NRXN3: variants seen among roughly 807,000 people sequenced by gnomAD.
The protein encoded by NRXN3 is neurexin III.
A neutral mutation model predicts 137.6 loss-of-function variants in NRXN3; 32 were observed. The observed-to-expected ratio is 0.23, with a 90% CI of 0.18 to 0.31. NRXN3 has a LOEUF of 0.31. Among genes scored for constraint, NRXN3 ranks in the 10% least tolerant of loss-of-function variants. The pLI is 1.00. For synonymous variants in NRXN3, 798 were observed against 784.5 expected (o/e 1.02, Z -0.29); for missense variants, 1,574 against 2,062.5 (o/e 0.76, Z 4.59).
At chr14:79,522,345 G>T (rs901919290) in intron 16 of NRXN3, among the ~76,000 whole-genome samples, 9 of 152,036 alleles carry the variant, frequency 5.9e-5, no homozygotes, top group African/African-American at 1.9e-4. Flanking sequence ...TATTAAGAGG[G>T]GTGCACAGGG....
At position 79,338,218 on chromosome 14, in the gene NRXN3, AGTGTGT is replaced by A. The variant is rs56816357; in HGVS notation, c.3263-128975_3263-128970del. On this transcript the variant is annotated intron_variant, in intron 15 of 20. Transcript: ENST00000335750. ...CGGGGTGTGTGTGTGTGTGTATGTGAGTGTGTGTGTGTGTGTGTGTGTGTGTGTGTG... is the reference window on the plus strand; with the variant it reads ...CGGGGTGTGTGTGTGTGTGTATGTGAGTGTGTGTGTGTGTGTGTGTGTGTG... Among the ~76,000 whole-genome samples, 505 of 141,210 alleles carry A rather than the reference AGTGTGT, an allele frequency of 3.6e-3. 4 individuals are homozygous for A. The highest frequency in any genetic ancestry group is 7.7e-3 in the African/African-American group (291 of 37,894). 92.6% of individuals were successfully genotyped at this position (141,210 alleles called of 152,430 possible). A position where few individuals can be genotyped will look rare whatever the true frequency, so the allele number is the denominator to read the frequency against.
intron 10 of NRXN3, among the ~76,000 whole-genome samples, chr14:78,869,928 T>C (rs1449126316): frequency 6.6e-6 from 1 of 152,200 alleles, no homozygotes; most frequent in Non-Finnish European, 1.5e-5. Context: ...TGAGAATTTT[T>C]AACCAAGGAA....
At chr14:78,631,037 G>A (rs1008078974) in intron 4 of NRXN3, among the ~76,000 whole-genome samples, 4 of 152,088 alleles carry the variant, frequency 2.6e-5, no homozygotes, top group African/African-American at 7.2e-5. Context: ...TATTTTAATG[G>A]CATTCTGTTG....
chr14:79,696,037 GT>G (rs1167509652), intron 18 of NRXN3, among the ~76,000 whole-genome samples: 20 of 152,084 alleles, frequency 1.3e-4, no homozygotes, highest in Admixed American at 5.9e-4. Flanking sequence ...GGCACTATGA[GT>G]TGCCTAGTGT....
chr14:79,509,290 T>G (rs924662985), intron 16 of NRXN3, among the ~76,000 whole-genome samples: 1 of 152,086 alleles, frequency 6.6e-6, no homozygotes, highest in African/African-American at 2.4e-5. Flanking sequence ...GCAGATCACT[T>G]GAGATCAGGA....
intron 15 of NRXN3, among the ~76,000 whole-genome samples, chr14:79,363,826 T>A (rs559335918): frequency 6.6e-6 from 1 of 152,226 alleles, no homozygotes; most frequent in Non-Finnish European, 1.5e-5. Context: ...AACACCATTT[T>A]GAACTCTTCC....
chr14:79,262,231 C>A (rs1286686253), intron 15 of NRXN3, among the ~76,000 whole-genome samples: 1 of 152,122 alleles, frequency 6.6e-6, no homozygotes, highest in Non-Finnish European at 1.5e-5. Flanking sequence ...CCAATCCTCA[C>A]ATTTCTTCCC....
intron 3 of NRXN3, among the ~76,000 whole-genome samples, chr14:78,294,590 C>G (rs969389804): frequency 3.3e-5 from 5 of 149,866 alleles, no homozygotes; most frequent in Admixed American, 1.3e-4. Flanking sequence ...GAAAAAGCTC[C>G]TATGTGTAGG....
At chr14:78,838,941 A>G (rs1162838637) in intron 10 of NRXN3, among the ~76,000 whole-genome samples, 1 of 152,172 alleles carries the variant, frequency 6.6e-6, no homozygotes, top group Non-Finnish European at 1.5e-5. Flanking sequence ...CATACCCTCT[A>G]CTAGCCTTGC....
chr14:78,966,302 C>T lies in NRXN3; in HGVS notation c.2673C>T (p.Thr891=). The T allele has an allele frequency of 6.2e-7, 1 of 1,614,194 alleles. No homozygotes were observed. The highest frequency in any genetic ancestry group is 8.5e-7 in the Non-Finnish European group (1 of 1,180,030). Residue 891 remains threonine, a synonymous_variant, in exon 12 of 21, where the codon ACC becomes ACT. Coordinates refer to ENST00000335750, the MANE Select transcript of NRXN3 (RefSeq NM_001330195.2). The part of the protein sequence containing the change: ...YLSLATLQAY[T]SMHLFFQFKT... Reference sequence around the variant, plus strand: ...GCCTTGCCACTCTTCAGGCTTACACCTCCATGCACCTCTTCTTCCAGTTCA... The same window carrying T: ...GCCTTGCCACTCTTCAGGCTTACACTTCCATGCACCTCTTCTTCCAGTTCA...
chr14:79,036,205 A>T (rs2099615674), intron 15 of NRXN3, among the ~76,000 whole-genome samples: 1 of 152,088 alleles, frequency 6.6e-6, no homozygotes, highest in Non-Finnish European at 1.5e-5. Flanking sequence ...TCAGCAAGAT[A>T]CTTCCCCCCC....
intron 15 of NRXN3, among the ~76,000 whole-genome samples, chr14:79,293,255 A>G (rs1598380213): frequency 1.3e-5 from 2 of 152,332 alleles, no homozygotes; most frequent in South Asian, 4.1e-4. Context: ...AAATAGATCC[A>G]CAACCTCATC....
chr14:79,091,301 A>G (rs1197440924), intron 15 of NRXN3, among the ~76,000 whole-genome samples: 1 of 152,184 alleles, frequency 6.6e-6, no homozygotes, highest in African/African-American at 2.4e-5. Context: ...TGGAATGTCA[A>G]GATAAGAAAT....
At chr14:79,462,790 C>T (rs2096364933) in intron 15 of NRXN3, among the ~76,000 whole-genome samples, 1 of 141,412 alleles carries the variant, frequency 7.1e-6, no homozygotes, top group Non-Finnish European at 1.5e-5. Flanking sequence ...TTGTTTTTCA[C>T]ACACATGCAT....
At chr14:79,692,086 AT>A in intron 17 of NRXN3, 86 bp from the exon 18 acceptor site, 1 of 1,029,342 alleles carries the variant, frequency 9.7e-7, no homozygotes, top group Non-Finnish European at 1.4e-6. Flanking sequence ...TAAAAACTTC[AT>A]AAAACAAACC....
chr14:79,362,621 C>A (rs2093725265), intron 15 of NRXN3, among the ~76,000 whole-genome samples: 1 of 152,134 alleles, frequency 6.6e-6, no homozygotes, highest in East Asian at 1.9e-4. Context: ...TTCATAGAAA[C>A]ATGATTCTTA....
intron 15 of NRXN3, among the ~76,000 whole-genome samples, chr14:79,346,490 A>C (rs756372330): frequency 6.6e-6 from 1 of 152,182 alleles, no homozygotes; most frequent in Non-Finnish European, 1.5e-5. Flanking sequence ...ACATCATAAA[A>C]TGATCTTGCC....
rs1001644864 is a variant in NRXN3 at position 79,641,746 on chromosome 14, C to T, written c.3445-22032C>T. ...CCTCCAAATGCAGCAATTCCTTCCT[C>T]AGCGGTAGTAGTCCAGACAGAAACA... On this transcript the variant is annotated intron_variant, in intron 16 of 20. Coordinates refer to ENST00000335750, the MANE Select transcript of NRXN3 (RefSeq NM_001330195.2). Among the ~76,000 whole-genome samples, 10 of 135,704 alleles carry T rather than the reference C, an allele frequency of 7.4e-5. 3 individuals are homozygous for T. In the Admixed American group the frequency reaches 7.8e-4, roughly 11 times the overall value. The allele number at this position is 135,704 out of a possible 152,430, so 89.0% of individuals were successfully genotyped here.
chr14:79,267,038 C>T (rs1254437012), intron 15 of NRXN3, among the ~76,000 whole-genome samples: 2 of 152,132 alleles, frequency 1.3e-5, no homozygotes, highest in South Asian at 4.1e-4. Context: ...AAGTATTGCA[C>T]AGGAGGGCAC....
Sources: gnomAD v4.1 joint callset for allele counts (sites outside exome capture counted in the v4.1 genomes callset) on GRCh38, gnomAD v4.1.1 for gene constraint, MANE v1.5 for transcripts, NCBI Gene and HGNC (gene_info 2026-07-23, HGNC 2026-07-21) for gene names.